Variants in MAP3K9 observed in about 807,000 individuals in gnomAD.
MAP3K9 encodes the protein mixed lineage kinase 1 (tyr and ser/thr specificity).
A neutral mutation model predicts 95.8 loss-of-function variants in MAP3K9; 46 were observed. The observed-to-expected ratio is 0.48, with a 90% CI of 0.38 to 0.61. The LOEUF is 0.61. MAP3K9 is among the 20% of genes least tolerant of loss of function. The pLI, the probability that MAP3K9 is intolerant of heterozygous loss-of-function variation, is 0.00. For missense variants in MAP3K9, 1,296 were observed against 1,474.3 expected, an observed-to-expected ratio of 0.88 and a Z score of 1.98; for synonymous variants, 533 against 593.8, an observed-to-expected ratio of 0.90 and a Z score of 1.49.
At chr14:70,734,570 T>C in intron 9 of MAP3K9, 72 bp from the exon 10 acceptor site, 1 of 817,116 alleles carries the variant, frequency 1.2e-6, no homozygotes. Flanking sequence ...TCCATGGGTC[T>C]ATGGAGACGT....
intron 2 of MAP3K9, among the ~76,000 whole-genome samples, chr14:70,784,268 A>T (rs1485997832): frequency 2.0e-5 from 3 of 151,880 alleles, no homozygotes; most frequent in African/African-American, 7.3e-5. Flanking sequence ...GGGAAACAAG[A>T]GCAAAACTCC....
chr14:70,746,936 T>C (rs570557980), intron 5 of MAP3K9, among the ~76,000 whole-genome samples: 2 of 152,292 alleles, frequency 1.3e-5, no homozygotes, highest in African/African-American at 4.8e-5. Context: ...GAATACTATT[T>C]AGTGAGAGGA....
At chr14:70,783,505 G>A in intron 2 of MAP3K9, 1 of 724,402 alleles carries the variant, frequency 1.4e-6, no homozygotes, top group Non-Finnish European at 1.7e-6. Flanking sequence ...AAGCTCTAAA[G>A]TTCCAGGAGC....
intron 2 of MAP3K9, among the ~76,000 whole-genome samples, chr14:70,773,717 A>C (rs1310516439): frequency 6.6e-6 from 1 of 152,236 alleles, no homozygotes; most frequent in Non-Finnish European, 1.5e-5. Flanking sequence ...CTGGAGGTCT[A>C]GCTACCATCT....
intron 2 of MAP3K9, among the ~76,000 whole-genome samples, chr14:70,788,589 CA>C (rs2054772890): frequency 6.6e-6 from 1 of 152,166 alleles, no homozygotes; most frequent in African/African-American, 2.4e-5. Flanking sequence ...GGCTCATCCC[CA>C]AAAGAAGAGA....
chr14:70,761,729 CTTAT>C (rs2054378171), intron 2 of MAP3K9, among the ~76,000 whole-genome samples: 1 of 152,208 alleles, frequency 6.6e-6, no homozygotes, highest in East Asian at 1.9e-4. Context: ...TTGTGAAAGC[CTTAT>C]TTTATTTTTT....
Position 70,800,650 on chromosome 14 carries a change from C to T in MAP3K9, c.820+17G>A, listed in dbSNP as rs201024713. 146 of 1,606,638 alleles carry T rather than the reference C, an allele frequency of 9.1e-5. 1 individual carries two copies. The Admixed American group carries it at 2.4e-3, about 27-fold the overall frequency. On this transcript the variant is annotated intron_variant, in intron 2 of 11. Transcript: ENST00000554752. ...CAACTGCTCTGAGCCCCTCCAGCCC[C>T]ATCTCTTCATACTCACTGTTGCTGG...
At chr14:70,747,596 T>G (rs1239959907) in intron 5 of MAP3K9, among the ~76,000 whole-genome samples, 1 of 152,172 alleles carries the variant, frequency 6.6e-6, no homozygotes, top group East Asian at 1.9e-4. Flanking sequence ...GCTTCCCCAC[T>G]TACTAACTCT....
rs1416246704 is a variant in MAP3K9, at chr14:70,733,005, C to T, written c.2364G>A (p.Arg788=). The change falls in exon 11 of 12, where the codon CGG becomes CGA. Residue 788 remains arginine, a synonymous_variant. Transcript: ENST00000554752. ...LPLEEPEPPA[R]EEKKRREGLF... is the part of the protein sequence containing the mutation. ...GACCCTCCCGTCTTTTCTTCTCCTCCCGGGCTGGTGGCTCAGGCTCCTCCA... is the reference window on the plus strand; with the variant it reads ...GACCCTCCCGTCTTTTCTTCTCCTCTCGGGCTGGTGGCTCAGGCTCCTCCA... 1 of 1,614,156 alleles carries T rather than the reference C, an allele frequency of 6.2e-7. No individual in the cohort carries two copies. The highest frequency in any genetic ancestry group is 1.7e-5 in the Admixed American group (1 of 60,026).
At chr14:70,760,140 TGC>T (rs1491299718) in intron 3 of MAP3K9, among the ~76,000 whole-genome samples, 5 of 41,960 alleles carry the variant, frequency 1.2e-4, no homozygotes, top group Admixed American at 2.7e-4. Context: ...AAAATAAACG[TGC>T]ACACACACAC....
chr14:70,736,164 C>T, intron 8 of MAP3K9, 135 bp from the exon 9 acceptor site: 1 of 697,550 alleles, frequency 1.4e-6, no homozygotes, highest in Non-Finnish European at 2.6e-6. Flanking sequence ...ACAAAGCCCA[C>T]ACCATGAAAG....
chr14:70,737,395 C>T (rs2054000084), intron 8 of MAP3K9, among the ~76,000 whole-genome samples: 1 of 152,242 alleles, frequency 6.6e-6, no homozygotes, highest in South Asian at 2.1e-4. Flanking sequence ...TGCCAGGGTT[C>T]ATGCCCAGGC....
Position 70,778,507 on chromosome 14 carries a change from C to T in MAP3K9, c.821-17325G>A, listed in dbSNP as rs542793614. On this transcript the variant is annotated intron_variant, in intron 2 of 11. Coordinates refer to ENST00000554752, the MANE Select transcript of MAP3K9 (RefSeq NM_001284230.2). ...GCCAGGCTGGTCTCAAACTCCTGAC[C>T]TCAGGTGATCCACCGTCCTCGGCCT... Among the ~76,000 whole-genome samples, 21 of 152,178 alleles carry T rather than the reference C, an allele frequency of 1.4e-4. No individual in the cohort carries two copies. In the South Asian group the frequency reaches 3.5e-3, roughly 26 times the overall value.
At chr14:70,788,065 A>G (rs535467321) in intron 2 of MAP3K9, among the ~76,000 whole-genome samples, 16 of 152,376 alleles carry the variant, frequency 1.1e-4, no homozygotes, top group African/African-American at 3.4e-4. Context: ...GCCTCTAAGA[A>G]GTAAACTTAG....
intron 2 of MAP3K9, among the ~76,000 whole-genome samples, chr14:70,785,514 T>C (rs1470055643): frequency 1.3e-5 from 2 of 152,212 alleles, no homozygotes; most frequent in African/African-American, 4.8e-5. Flanking sequence ...CTTGTTGTAC[T>C]GTATTCGCCC....
chr14:70,749,561 G>C (rs2054197513), intron 4 of MAP3K9: 1 of 180,998 alleles, frequency 5.5e-6, no homozygotes, highest in African/African-American at 2.4e-5. Flanking sequence ...ACAAAATTAT[G>C]GGGTTTGACT....
At chr14:70,794,152 G>A (rs781155159) in intron 2 of MAP3K9, among the ~76,000 whole-genome samples, 17 of 152,192 alleles carry the variant, frequency 1.1e-4, no homozygotes, top group South Asian at 6.2e-4. Context: ...GGAAAGGGGA[G>A]ACCAGCTTGG....
intron 2 of MAP3K9, among the ~76,000 whole-genome samples, chr14:70,785,588 A>G (rs1399190359): frequency 2.0e-5 from 3 of 152,198 alleles, no homozygotes; most frequent in Non-Finnish European, 4.4e-5. Context: ...GGTAGATGAC[A>G]TAGGCGAGGT....
At chr14:70,770,561 T>C (rs1594793749) in intron 2 of MAP3K9, among the ~76,000 whole-genome samples, 1 of 152,222 alleles carries the variant, frequency 6.6e-6, no homozygotes, top group Middle Eastern at 3.4e-3. Context: ...TCTGTTAATA[T>C]AAAATGCGTC....
Sources: gnomAD v4.1 joint callset for allele counts (sites outside exome capture counted in the v4.1 genomes callset) on GRCh38, gnomAD v4.1.1 for gene constraint, MANE v1.5 for transcripts, NCBI Gene and HGNC (gene_info 2026-07-23, HGNC 2026-07-21) for gene names.